Variants in TEC observed in about 807,000 individuals in gnomAD.
TEC encodes the protein tec protein tyrosine kinase, also known as tyrosine-protein kinase Tec.
TEC carries 72 observed loss-of-function variants against 93.0 expected under a neutral mutation model. The ratio of observed to expected loss-of-function variants is 0.77; its 90% CI spans 0.64 to 0.94. The LOEUF (loss-of-function observed/expected upper bound fraction) is 0.94. Ranked by LOEUF, TEC falls within the 40% of genes least tolerant of loss-of-function variation. The probability of loss-of-function intolerance (pLI) is 0.00; values close to 1 mark genes in which losing one functional copy is unlikely to be tolerated. For synonymous variants in TEC, 249 were observed against 247.7 expected (o/e 1.01, Z -0.05); for missense variants, 630 against 757.9 (o/e 0.83, Z 1.98).
At chr4:48,199,906 T>C (rs1722443017) in intron 2 of TEC, among the ~76,000 whole-genome samples, 1 of 152,208 alleles carries the variant, frequency 6.6e-6, no homozygotes, top group Admixed American at 6.5e-5. Flanking sequence ...CTGATCCCCA[T>C]AACAACCCTC....
At chr4:48,225,709 TC>T (rs1322378812) in intron 2 of TEC, among the ~76,000 whole-genome samples, 1 of 151,780 alleles carries the variant, frequency 6.6e-6, no homozygotes, top group African/African-American at 2.4e-5. Context: ...TCTTTTTTTT[TC>T]TTTTTTTTTC....
At chr4:48,192,049 A>T (rs1722111599) in intron 2 of TEC, among the ~76,000 whole-genome samples, 1 of 152,228 alleles carries the variant, frequency 6.6e-6, no homozygotes, top group African/African-American at 2.4e-5. Flanking sequence ...CCACACAAAG[A>T]CTAACACAAA....
intron 1 of TEC, among the ~76,000 whole-genome samples, chr4:48,259,513 C>T (rs147451500): frequency 0.06 from 9,055 of 152,096 alleles, 420 homozygotes; most frequent in East Asian, 0.21. Context: ...GTCAGGAGTT[C>T]GAGACCAGCC....
chr4:48,207,907 T>A (rs1722769833), intron 2 of TEC, among the ~76,000 whole-genome samples: 1 of 152,062 alleles, frequency 6.6e-6, no homozygotes, highest in Non-Finnish European at 1.5e-5. Context: ...AATGTATAAA[T>A]CCTAATAGAA....
chr4:48,180,220 G>A (rs1721528635), intron 2 of TEC, among the ~76,000 whole-genome samples: 1 of 152,106 alleles, frequency 6.6e-6, no homozygotes, highest in South Asian at 2.1e-4. Context: ...AACAATATTT[G>A]GACTGACTTT....
At chr4:48,214,370 C>T (rs1487617632) in intron 2 of TEC, among the ~76,000 whole-genome samples, 6 of 152,188 alleles carry the variant, frequency 3.9e-5, no homozygotes, top group African/African-American at 1.2e-4. Context: ...AGAAGGAGAA[C>T]TGCTAGGCAC....
chr4:48,135,901 T>C lies in TEC; in HGVS notation c.*1515A>G, dbSNP rs372794160. 1.3e-5 allele frequency: 2 copies of C among 152,242 alleles called. No homozygotes were observed. The highest frequency in any genetic ancestry group is 4.8e-5 in the African/African-American group (2 of 41,548). The allele number at this position is 152,242 out of a possible 1,614,324, so 9.4% of individuals were successfully genotyped here. A position where few individuals can be genotyped will look rare whatever the true frequency, so the allele number is the denominator to read the frequency against. On this transcript the variant is annotated 3_prime_UTR_variant, in exon 18 of 18. Transcript: ENST00000381501. ...AGACTCTAGACTGACCAGGATGAAA[T>C]GAAATGGTTCTCCAGGGTCAGAGTG...
chr4:48,220,274 A>T (rs1723217908), intron 2 of TEC, among the ~76,000 whole-genome samples: 1 of 151,906 alleles, frequency 6.6e-6, no homozygotes, highest in Admixed American at 6.6e-5. Flanking sequence ...AAAAATGGAT[A>T]TGAACCCTGC....
chr4:48,148,655 T>C (rs568164196), intron 11 of TEC, among the ~76,000 whole-genome samples: 1 of 152,318 alleles, frequency 6.6e-6, no homozygotes, highest in Non-Finnish European at 1.5e-5. Flanking sequence ...GTCAAGGACA[T>C]ATATACCACA....
intron 2 of TEC, among the ~76,000 whole-genome samples, chr4:48,177,197 G>T (rs1220494724): frequency 1.3e-5 from 2 of 152,178 alleles, no homozygotes; most frequent in Non-Finnish European, 2.9e-5. Context: ...AAAGCAGTAT[G>T]TGCAAAGATA....
intron 11 of TEC, 90 bp downstream of exon 11, chr4:48,149,467 T>C: frequency 7.6e-7 from 1 of 1,315,280 alleles, no homozygotes; most frequent in Admixed American, 2.7e-5. Flanking sequence ...GAACTAACTA[T>C]AAAATAAAAC....
chr4:48,179,308 C>T (rs918089041), intron 2 of TEC, among the ~76,000 whole-genome samples: 15 of 131,616 alleles, frequency 1.1e-4, no homozygotes, highest in Admixed American at 3.4e-4. Flanking sequence ...AACAGACTGA[C>T]ATAGCAACTA....
At chr4:48,206,777 C>CAAAAA (rs34761710) in intron 2 of TEC, among the ~76,000 whole-genome samples, 2 of 89,184 alleles carry the variant, frequency 2.2e-5, no homozygotes, top group Non-Finnish European at 4.8e-5. Context: ...CTCGTTGCTA[C>CAAAAA]AAAAAAAAAA....
At chr4:48,205,858 CAT>C (rs1722698696) in intron 2 of TEC, among the ~76,000 whole-genome samples, 1 of 152,292 alleles carries the variant, frequency 6.6e-6, no homozygotes, top group Non-Finnish European at 1.5e-5. Flanking sequence ...GAAATGAAAA[CAT>C]ATGTCTACAC....
At chr4:48,229,707 T>C (rs1723589806) in intron 1 of TEC, among the ~76,000 whole-genome samples, 2 of 150,768 alleles carry the variant, frequency 1.3e-5, no homozygotes, top group South Asian at 4.2e-4. Context: ...ACCTGGGAGG[T>C]GGAGCGTGGA....
chr4:48,267,983 G>A (rs754032348), intron 1 of TEC, among the ~76,000 whole-genome samples: 33 of 152,222 alleles, frequency 2.2e-4, no homozygotes, highest in Non-Finnish European at 4.3e-4. Context: ...AAGGCAGAGA[G>A]GCCAGTAATT....
chr4:48,263,213 C>A (rs1166973225), intron 1 of TEC, among the ~76,000 whole-genome samples: 1 of 152,182 alleles, frequency 6.6e-6, no homozygotes, highest in Non-Finnish European at 1.5e-5. Flanking sequence ...AAGGGTGCTG[C>A]TGCTGGTAAG....
chr4:48,162,104 G>T (rs1720692308), intron 8 of TEC, among the ~76,000 whole-genome samples: 1 of 152,124 alleles, frequency 6.6e-6, no homozygotes, highest in Non-Finnish European at 1.5e-5. Context: ...TGTGTTACAG[G>T]GTGGGCTTTG....
chr4:48,191,632 A>G (rs1409893937), intron 2 of TEC, among the ~76,000 whole-genome samples: 1 of 152,196 alleles, frequency 6.6e-6, no homozygotes, highest in Non-Finnish European at 1.5e-5. Flanking sequence ...TTAAATAACT[A>G]TTTTTAAAAG....
Sources: allele counts gnomAD v4.1 joint callset (sites outside exome capture counted in the v4.1 genomes callset), GRCh38; gene constraint gnomAD v4.1.1; transcripts MANE v1.5; gene names NCBI Gene and HGNC (gene_info 2026-07-23, HGNC 2026-07-21).